RELN: variants seen among roughly 807,000 people sequenced by gnomAD.
RELN encodes the protein reelin.
In RELN, 108 loss-of-function variants were observed where a neutral mutation model predicts 427.6. The observed-to-expected ratio is 0.25, with a 90% CI of 0.22 to 0.30. The LOEUF is 0.30. Among genes scored for constraint, RELN ranks in the 10% least tolerant of loss-of-function variants. The pLI, the probability that RELN is intolerant of heterozygous loss-of-function variation, is 1.00. For synonymous variants in RELN, 1,524 were observed against 1,513.4 expected, an observed-to-expected ratio of 1.01 and a Z score of -0.16; for missense variants, 3,715 against 4,302.8, an observed-to-expected ratio of 0.86 and a Z score of 3.82.
At chr7:103,595,512 A>G (rs1831516811) in intron 25 of RELN, among the ~76,000 whole-genome samples, 1 of 152,196 alleles carries the variant, frequency 6.6e-6, no homozygotes, top group African/African-American at 2.4e-5. Flanking sequence ...TAAAAAGTCA[A>G]ACTTATGAAC....
intron 1 of RELN, among the ~76,000 whole-genome samples, chr7:103,970,860 T>TA (rs1703268894): frequency 6.6e-6 from 1 of 152,166 alleles, no homozygotes; most frequent in African/African-American, 2.4e-5. Flanking sequence ...ACTCTTTTTT[T>TA]AAAAAGTAGT....
chr7:103,641,548 A>T (rs527841022), intron 16 of RELN, among the ~76,000 whole-genome samples: 12 of 152,302 alleles, frequency 7.9e-5, no homozygotes, highest in African/African-American at 2.9e-4. Flanking sequence ...CAGGTGTCAG[A>T]TAATCCTGGC....
chr7:103,539,380 G>A, intron 44 of RELN, 53 bp from the exon 45 acceptor site: 1 of 1,575,826 alleles, frequency 6.3e-7, no homozygotes, highest in Non-Finnish European at 8.7e-7. Context: ...TTAAGAAATG[G>A]AAAGTTCTGC....
At position 103,573,097 on chromosome 7, in the gene RELN, C is replaced by T. The variant is rs865966432; in HGVS notation, c.4512-837G>A. On this transcript the variant is annotated intron_variant, in intron 30 of 64. Coordinates refer to ENST00000428762, the MANE Select transcript of RELN (RefSeq NM_005045.4). This position sits in a 1 kb window ranked among gnomAD's most constrained non-coding sequence, Gnocchi z 4.4. The stretch of plus-strand genomic sequence containing the variant: ...GGAACTACAGGCATGCGCCACCACA[C>T]CCGGCTAATTTTTCTATTTTCAGTA... 6.6e-6 allele frequency among the ~76,000 whole-genome samples: 1 copy of T among 152,152 alleles called. No individual in the cohort carries two copies. Among genetic ancestry groups the T allele is most frequent in the Non-Finnish European group, 1.5e-5 (1 of 68,018 alleles).
At chr7:103,617,556 A>G (rs189352903) in intron 20 of RELN, among the ~76,000 whole-genome samples, 28 of 151,522 alleles carry the variant, frequency 1.8e-4, no homozygotes, top group African/African-American at 6.5e-4. Flanking sequence ...GTGTAGATAT[A>G]TGTATATATA....
At chr7:103,521,253 A>C (rs1373137360) in intron 48 of RELN, among the ~76,000 whole-genome samples, 1 of 152,048 alleles carries the variant, frequency 6.6e-6, no homozygotes, top group Non-Finnish European at 1.5e-5. Flanking sequence ...TGCTGGGATT[A>C]CAGGCGTGAG....
intron 1 of RELN, among the ~76,000 whole-genome samples, chr7:103,951,015 C>G (rs978220838): frequency 6.6e-6 from 1 of 152,094 alleles, no homozygotes; most frequent in Admixed American, 6.6e-5. Context: ...CTGCAACCTC[C>G]GCCTCCCTGG....
At chr7:103,585,840 A>T (rs563712292) in intron 28 of RELN, among the ~76,000 whole-genome samples, 7 of 152,212 alleles carry the variant, frequency 4.6e-5, no homozygotes, top group African/African-American at 1.7e-4. Context: ...ACAACAGCAC[A>T]TCGAAAAGAT....
In RELN at chr7:103,737,946, T is replaced by C. The variant is rs112153114; in HGVS notation, c.657-9739A>G. 4.4e-3 allele frequency among the ~76,000 whole-genome samples: 674 copies of C among 152,114 alleles called. 6 individuals carry two copies. Among genetic ancestry groups the C allele is most frequent in the African/African-American group, 0.015 (635 of 41,466 alleles). On this transcript the variant is annotated intron_variant, in intron 6 of 64. Transcript: ENST00000428762. ...CCACAGGACCTGAAACAACTTTATT[T>C]GTGGCTTTCTTGATGTTTCACATCT...
intron 41 of RELN, among the ~76,000 whole-genome samples, chr7:103,549,572 T>C (rs946210410): frequency 1.3e-5 from 2 of 152,212 alleles, no homozygotes; most frequent in East Asian, 3.8e-4. Context: ...ATGCTTCTCT[T>C]GGAACACTTG....
chr7:103,643,735 C>G (rs977828866), intron 16 of RELN, among the ~76,000 whole-genome samples: 1 of 151,922 alleles, frequency 6.6e-6, no homozygotes, highest in Non-Finnish European at 1.5e-5. Context: ...GATTGGGATC[C>G]TATTTTTAGG....
At chr7:103,951,991 T>C (rs1039747580) in intron 1 of RELN, among the ~76,000 whole-genome samples, 1 of 152,252 alleles carries the variant, frequency 6.6e-6, no homozygotes, top group Non-Finnish European at 1.5e-5. Flanking sequence ...CATCTTTGGC[T>C]TTTGAGCCCT....
intron 11 of RELN, among the ~76,000 whole-genome samples, chr7:103,662,006 A>T (rs966279456): frequency 2.6e-5 from 4 of 152,218 alleles, no homozygotes; most frequent in African/African-American, 9.6e-5. Context: ...AGGAGATGGG[A>T]TTTAAACTGG....
At chr7:103,500,347 C>T (rs74532616) in intron 53 of RELN, among the ~76,000 whole-genome samples, 1 of 151,932 alleles carries the variant, frequency 6.6e-6, no homozygotes. Flanking sequence ...AAAATTTGGT[C>T]TTTTGTGATA....
At chr7:103,795,248 C>G (rs574561630) in intron 3 of RELN, among the ~76,000 whole-genome samples, 6 of 152,208 alleles carry the variant, frequency 3.9e-5, no homozygotes, top group South Asian at 2.1e-4. Context: ...ATGGTCCTCA[C>G]AGGCTCAAGC....
intron 47 of RELN, 52 bp downstream of exon 47, chr7:103,523,339 A>G (rs529525572): frequency 6.2e-7 from 1 of 1,609,898 alleles, no homozygotes; most frequent in African/African-American, 1.3e-5. Context: ...AATCTCCTAG[A>G]TGGAATGTGA....
chr7:103,763,327 T>C (rs1791349509), intron 4 of RELN, among the ~76,000 whole-genome samples: 1 of 152,242 alleles, frequency 6.6e-6, no homozygotes, highest in South Asian at 2.1e-4. Context: ...ATATGGTTCA[T>C]TCATTTCCTA....
intron 2 of RELN, among the ~76,000 whole-genome samples, chr7:103,883,668 G>A (rs1057368683): frequency 2.6e-5 from 4 of 152,120 alleles, no homozygotes; most frequent in African/African-American, 9.7e-5. Context: ...AATCATGAGT[G>A]AACTACCATT....
At chr7:103,584,615 G>A (rs558740995) in intron 28 of RELN, among the ~76,000 whole-genome samples, 2 of 151,982 alleles carry the variant, frequency 1.3e-5, no homozygotes, top group South Asian at 2.1e-4. Flanking sequence ...TAATAATATC[G>A]GTAGCTTTAA....
Sources: allele counts gnomAD v4.1 joint callset (sites outside exome capture counted in the v4.1 genomes callset), GRCh38; gene constraint gnomAD v4.1.1; non-coding constraint Gnocchi (gnomAD v3.1); transcripts MANE v1.5; gene names NCBI Gene and HGNC (gene_info 2026-07-23, HGNC 2026-07-21).